HDAC9: variants seen among roughly 807,000 people sequenced by gnomAD.
The protein encoded by HDAC9 is MEF-2 interacting transcription repressor (MITR) protein.
Under a neutral mutation model 139.4 loss-of-function variants are expected in HDAC9, and 41 were observed. That is an observed-to-expected ratio of 0.29 (90% confidence interval 0.23 to 0.38). HDAC9 has a LOEUF of 0.38. Ranked by LOEUF, HDAC9 falls within the 10% of genes least tolerant of loss-of-function variation. The pLI is 1.00. For missense variants in HDAC9, 1,147 were observed against 1,297.0 expected (o/e 0.88, Z 1.78); for synonymous variants, 517 against 476.2 (o/e 1.09, Z -1.12).
Position 18,723,669 on chromosome 7 carries a change from T to C in HDAC9, c.1732-3911T>C, listed in dbSNP as rs1037465445. ...TTTGAGTTAGCAAACTGTTTTATCTTACAGGGTTTCAGTGAAGCTCAAGTA... is the reference window on the plus strand; with the variant it reads ...TTTGAGTTAGCAAACTGTTTTATCTCACAGGGTTTCAGTGAAGCTCAAGTA... On this transcript the variant is annotated intron_variant, in intron 12 of 25. Transcript: ENST00000686413. Among the ~76,000 whole-genome samples the C allele has an allele frequency of 1.1e-4, 16 of 152,074 alleles. 1 individual carries two copies. The highest frequency in any genetic ancestry group is 2.4e-4 in the Non-Finnish European group (16 of 68,004).
In HDAC9 at chr7:18,275,604, A is replaced by G. The variant is rs1796666171; in HGVS notation, c.25+113255A>G. ...CCCTTCGTTGAATTGCTGTGGTTGC[A>G]AGAGCCTCCTTGATGTTCACTGGAC... On this transcript the variant is annotated intron_variant, in intron 2 of 12. Transcript: ENST00000417496. Among the ~76,000 whole-genome samples the G allele has an allele frequency of 2.0e-5, 3 of 152,110 alleles. No homozygotes were observed. The South Asian group carries it at 6.2e-4, about 32-fold the overall frequency.
At position 18,350,914 on chromosome 7, in the gene HDAC9, C is replaced by T. The variant is rs530802275; in HGVS notation, c.-42+60399C>T. 2.0e-4 allele frequency among the ~76,000 whole-genome samples: 30 copies of T among 151,996 alleles called. 1 individual carries two copies. The South Asian group carries it at 5.8e-3, about 29-fold the overall frequency. Reference sequence around the variant, plus strand: ...CCAGGGGCCTTCTAGTTTCTGAACCCAGCCGCTGGGTAGCTGGTCGACCCG... The same window carrying T: ...CCAGGGGCCTTCTAGTTTCTGAACCTAGCCGCTGGGTAGCTGGTCGACCCG... On this transcript the variant is annotated intron_variant, in intron 1 of 3. Transcript: ENST00000413509.
chr7:18,872,304 A>T (rs1027671568), intron 21 of HDAC9, among the ~76,000 whole-genome samples: 1 of 152,146 alleles, frequency 6.6e-6, no homozygotes, highest in East Asian at 1.9e-4. Context: ...TAGAAAAGAC[A>T]TTGTGTTTGT....
intron 13 of HDAC9, among the ~76,000 whole-genome samples, chr7:18,735,819 T>C (rs1028304112): frequency 3.3e-5 from 5 of 152,222 alleles, no homozygotes; most frequent in African/African-American, 1.2e-4. Context: ...ATAAATTACT[T>C]TGGGCAGTAT....
chr7:18,219,796 T>G (rs540719812), intron 2 of HDAC9, among the ~76,000 whole-genome samples: 1 of 152,298 alleles, frequency 6.6e-6, no homozygotes, highest in East Asian at 1.9e-4. Flanking sequence ...TAATAATTGG[T>G]TTTAAATTTG....
intron 1 of HDAC9, among the ~76,000 whole-genome samples, chr7:18,394,405 A>G (rs953670028): frequency 1.3e-5 from 2 of 152,190 alleles, no homozygotes; most frequent in Non-Finnish European, 2.9e-5. Context: ...CTACAATGCC[A>G]TAAAATATTA....
intron 13 of HDAC9, among the ~76,000 whole-genome samples, chr7:18,736,884 G>A (rs928792561): frequency 2.0e-5 from 3 of 152,044 alleles, no homozygotes; most frequent in Admixed American, 6.6e-5. Context: ...TTGGTTGGTA[G>A]GCTATTAATT....
At chr7:18,916,034 A>AAAC (rs1554401653) in intron 22 of HDAC9, among the ~76,000 whole-genome samples, 2 of 151,560 alleles carry the variant, frequency 1.3e-5, no homozygotes, top group Non-Finnish European at 2.9e-5. Flanking sequence ...AAAAAAAAAA[A>AAAC]AAAACAGAAA....
At chr7:18,925,993 G>C (rs1402020870) in intron 22 of HDAC9, among the ~76,000 whole-genome samples, 1 of 151,944 alleles carries the variant, frequency 6.6e-6, no homozygotes, top group Non-Finnish European at 1.5e-5. Context: ...GATAGAATTG[G>C]AGTATGTAAA....
intron 14 of HDAC9, 83 bp from the exon 15 acceptor site, chr7:18,762,074 A>G: frequency 4.9e-6 from 7 of 1,423,782 alleles, no homozygotes; most frequent in Non-Finnish European, 5.9e-6. Context: ...CCCATTATTA[A>G]TCATCTTAAA....
At chr7:18,559,412 C>G (rs1819880072) in intron 2 of HDAC9, among the ~76,000 whole-genome samples, 1 of 152,098 alleles carries the variant, frequency 6.6e-6, no homozygotes, top group African/African-American at 2.4e-5. Flanking sequence ...GATCGTATCT[C>G]CAAAACTTCT....
intron 17 of HDAC9, among the ~76,000 whole-genome samples, chr7:18,798,040 T>C (rs1792958965): frequency 6.6e-6 from 1 of 152,190 alleles, no homozygotes; most frequent in South Asian, 2.1e-4. Context: ...CACCATAATT[T>C]ATATTTTTAT....
At chr7:18,778,680 C>T (rs941314557) in intron 16 of HDAC9, among the ~76,000 whole-genome samples, 1 of 152,038 alleles carries the variant, frequency 6.6e-6, no homozygotes, top group Non-Finnish European at 1.5e-5. Context: ...TTACTGGCCA[C>T]ATAACCCACA....
At chr7:18,506,019 ACT>A (rs1405301661) in intron 2 of HDAC9, 1 of 152,094 alleles carries the variant, frequency 6.6e-6, no homozygotes, top group Non-Finnish European at 1.5e-5. Flanking sequence ...TCCTAATATA[ACT>A]CTACACTGGA....
At chr7:18,915,415 A>G (rs931658533) in intron 22 of HDAC9, among the ~76,000 whole-genome samples, 1 of 149,452 alleles carries the variant, frequency 6.7e-6, no homozygotes, top group Non-Finnish European at 1.5e-5. Context: ...GCAACAAACT[A>G]TTTTTTTTTT....
At chr7:18,319,726 T>TTGGAAGGTAAAG (rs2067369) in intron 1 of HDAC9, among the ~76,000 whole-genome samples, 136,366 of 152,060 alleles carry the variant, frequency 0.9, 62,037 homozygotes, top group East Asian at 1. Flanking sequence ...CCATCCAACT[T>TTGGAAGGTAAAG]ATGTATTTGT....
chr7:18,570,316 A>C (rs1823855651), intron 2 of HDAC9, among the ~76,000 whole-genome samples: 2 of 152,242 alleles, frequency 1.3e-5, no homozygotes, highest in South Asian at 2.1e-4. Context: ...TGAAATACAC[A>C]CTTTAAGAAA....
At chr7:18,772,400 C>A (rs1790374064) in intron 16 of HDAC9, among the ~76,000 whole-genome samples, 1 of 152,042 alleles carries the variant, frequency 6.6e-6, no homozygotes, top group African/African-American at 2.4e-5. Context: ...GATATTGACT[C>A]AGGAACCTCT....
At chr7:18,153,833 C>T (rs1411953453) in intron 1 of HDAC9, among the ~76,000 whole-genome samples, 5 of 152,134 alleles carry the variant, frequency 3.3e-5, no homozygotes, top group Admixed American at 3.3e-4. Context: ...TGACTTAAGA[C>T]TCATACTGGT....
Sources: gnomAD v4.1 joint callset for allele counts (sites outside exome capture counted in the v4.1 genomes callset) on GRCh38, gnomAD v4.1.1 for gene constraint, MANE v1.5 for transcripts, NCBI Gene and HGNC (gene_info 2026-07-23, HGNC 2026-07-21) for gene names.